APC: variants seen among roughly 807,000 people sequenced by gnomAD.
APC encodes the protein APC regulator of Wnt signaling pathway.
APC carries 72 observed loss-of-function variants against 247.0 expected under a neutral mutation model. That is an observed-to-expected ratio of 0.29 (90% CI 0.24 to 0.35). The LOEUF is 0.35. Among genes scored for constraint, APC ranks in the 10% least tolerant of loss-of-function variants. The pLI, the probability that APC is intolerant of heterozygous loss-of-function variation, is 1.00. For missense variants in APC, 3,400 were observed against 3,360.7 expected, an observed-to-expected ratio of 1.01 and a Z score of -0.29; for synonymous variants, 1,254 against 1,162.5, an observed-to-expected ratio of 1.08 and a Z score of -1.60.
chr5:112,718,389 C>G (rs6864688), intron 1 of APC, among the ~76,000 whole-genome samples: 1 of 151,972 alleles, frequency 6.6e-6, no homozygotes, highest in Non-Finnish European at 1.5e-5. Context: ...CTGGGCCACC[C>G]AGATGAGTTG....
In APC at chr5:112,801,335, A is replaced by G. The variant is rs2149712006; in HGVS notation, c.786A>G (p.Glu262=). The change falls in exon 8 of 16, where the codon GAA becomes GAG. Residue 262 remains glutamate, a synonymous_variant. Coordinates refer to ENST00000257430, the MANE Select transcript of APC (RefSeq NM_000038.6). ...CACATGATGCTGAGCGGCAGAATGAAGGTCAAGGAGTGGGAGAAATCAACA... is the reference window on the plus strand; with the variant it reads ...CACATGATGCTGAGCGGCAGAATGAGGGTCAAGGAGTGGGAGAAATCAACA... ...TGSHDAERQN[E]GQGVGEINMA... is the part of the protein sequence containing the mutation. 6.2e-7 allele frequency: 1 copy of G among 1,612,946 alleles called. No individual in the cohort carries two copies.
intron 1 of APC, among the ~76,000 whole-genome samples, chr5:112,744,036 C>G (rs1285446413): frequency 2.0e-5 from 3 of 152,126 alleles, no homozygotes; most frequent in East Asian, 3.9e-4. Context: ...AGGAGAGAGT[C>G]TCACTATATT....
chr5:112,715,637 C>T (rs1398040702), intron 1 of APC, among the ~76,000 whole-genome samples: 1 of 152,020 alleles, frequency 6.6e-6, no homozygotes, highest in African/African-American at 2.4e-5. Flanking sequence ...GGGAGTTTTC[C>T]TGTGGAAATG....
At position 112,754,970 on chromosome 5, in the gene APC, T is replaced by G; in HGVS notation, c.80T>G (p.Leu27Arg). The G allele has an allele frequency of 6.2e-7, 1 of 1,613,878 alleles. No individual in the cohort carries two copies. Among genetic ancestry groups the G allele is most frequent in the Non-Finnish European group, 8.5e-7 (1 of 1,179,814 alleles). The change falls in exon 2 of 16, where the codon CTA becomes CGA. Residue 27 changes from leucine to arginine, a missense_variant. This residue lies in a region of APC where 372 missense variants were observed against 367.6 expected (regional missense o/e 1.01). Transcript: ENST00000257430. Reference protein sequence around the residue: ...KMENSNLRQELEDNSNHLTKL... With the variant: ...KMENSNLRQEREDNSNHLTKL... ...GAGAACTCAAATCTTCGACAAGAGC[T>G]AGAAGATAATTCCAATCATCTTACA...
At chr5:112,710,154 G>A (rs115290667) in intron 1 of APC, among the ~76,000 whole-genome samples, 1,688 of 152,136 alleles carry the variant, frequency 0.011, 22 homozygotes, top group Non-Finnish European at 0.013. Flanking sequence ...TCCTAAATAA[G>A]CCTCGCTAGC....
intron 1 of APC, among the ~76,000 whole-genome samples, chr5:112,711,340 A>C (rs1288976864): frequency 6.6e-6 from 1 of 151,932 alleles, no homozygotes; most frequent in Non-Finnish European, 1.5e-5. Context: ...CCCCCACCCA[A>C]CTCCTGTCCC....
intron 8 of APC, among the ~76,000 whole-genome samples, chr5:112,808,557 C>T (rs926281038): frequency 6.6e-6 from 1 of 152,110 alleles, no homozygotes; most frequent in Non-Finnish European, 1.5e-5. Context: ...AAGCGATCCT[C>T]TCGAGTAGCT....
upstream of APC, among the ~76,000 whole-genome samples, chr5:112,734,835 G>A (rs1752290228): frequency 6.6e-6 from 1 of 150,502 alleles, no homozygotes; most frequent in African/African-American, 2.4e-5. Context: ...TTGTCACTGA[G>A]GCTGGAGTAC....
At position 112,821,918 on chromosome 5, in the gene APC, G is replaced by T. The variant is rs1334951365; in HGVS notation, c.1335G>T (p.Gln445His). The change falls in exon 11 of 16, where the codon CAG becomes CAT. Residue 445 changes from glutamine to histidine, a missense_variant. This residue lies in a region of APC where 199 missense variants were observed against 212.5 expected (regional missense o/e 0.94). Coordinates refer to ENST00000257430, the MANE Select transcript of APC (RefSeq NM_000038.6). ...KNPMPAPVEH[Q>H]ICPAVCVLMK... Reference sequence around the variant, plus strand: ...CAGTGCCAGCTCCTGTTGAACATCAGATCTGTCCTGCTGTGTGTGTTCTAA... The same window carrying T: ...CAGTGCCAGCTCCTGTTGAACATCATATCTGTCCTGCTGTGTGTGTTCTAA... The T allele has an allele frequency of 6.2e-7, 1 of 1,613,132 alleles. No homozygotes were observed. Among genetic ancestry groups the T allele is most frequent in the African/African-American group, 1.3e-5 (1 of 74,874 alleles).
chr5:112,824,254 A>G (rs1197031945), intron 11 of APC, among the ~76,000 whole-genome samples: 1 of 152,228 alleles, frequency 6.6e-6, no homozygotes, highest in African/African-American at 2.4e-5. Flanking sequence ...TTGCATTACC[A>G]TGAAACATCC....
intron 1 of APC, among the ~76,000 whole-genome samples, chr5:112,738,129 A>G (rs896545694): frequency 3.3e-5 from 5 of 151,906 alleles, no homozygotes; most frequent in African/African-American, 1.2e-4. Context: ...AGGGTTTTTG[A>G]CAGAAGAGGA....
intron 5 of APC, among the ~76,000 whole-genome samples, chr5:112,776,404 G>A (rs796732324): frequency 1.3e-5 from 2 of 152,322 alleles, no homozygotes; most frequent in African/African-American, 4.8e-5. Flanking sequence ...GATTACAGAA[G>A]TTTGTTCACC....
chr5:112,837,979 C>T lies in APC; in HGVS notation c.2385C>T (p.Leu795=), dbSNP rs80188155. 5 of 1,613,990 alleles carry T rather than the reference C, an allele frequency of 3.1e-6. No individual in the cohort carries two copies. In the South Asian group the frequency reaches 3.3e-5, roughly 11 times the overall value. The change falls in exon 16 of 16, where the codon CTC becomes CTT. Residue 795 remains leucine (L), a synonymous_variant. Coordinates refer to ENST00000257430, the MANE Select transcript of APC (RefSeq NM_000038.6). ...HRSKQRHKQS[L]YGDYVFDTNR... is the part of the protein sequence containing the mutation. ...GTAAGCAGAGACACAAGCAAAGTCT[C>T]TATGGTGATTATGTTTTTGACACCA...
intron 11 of APC, among the ~76,000 whole-genome samples, chr5:112,824,207 G>A (rs554257559): frequency 3.5e-4 from 54 of 152,242 alleles, no homozygotes; most frequent in African/African-American, 1.3e-3. Context: ...TTTCTAACAG[G>A]CACCAAGAAA....
At chr5:112,817,712 C>G (rs1762651709) in intron 9 of APC, among the ~76,000 whole-genome samples, 1 of 152,170 alleles carries the variant, frequency 6.6e-6, no homozygotes, top group Non-Finnish European at 1.5e-5. Context: ...TGAATGCTAG[C>G]TACTGTCCTA....
chr5:112,787,834 A>G (rs983567790), intron 6 of APC, among the ~76,000 whole-genome samples: 1 of 152,202 alleles, frequency 6.6e-6, no homozygotes, highest in African/African-American at 2.4e-5. Flanking sequence ...CTGAAGTCGT[A>G]AAGGTAATCT....
At chr5:112,780,660 A>G (rs1215089685) in intron 5 of APC, 130 bp from the exon 6 acceptor site, 1 of 663,440 alleles carries the variant, frequency 1.5e-6, no homozygotes, top group African/African-American at 1.8e-5. Context: ...AGTAAAAAAT[A>G]ATTTTCTCAT....
At chr5:112,751,430 G>A (rs1754352815) in intron 1 of APC, among the ~76,000 whole-genome samples, 1 of 151,958 alleles carries the variant, frequency 6.6e-6, no homozygotes, top group African/African-American at 2.4e-5. Flanking sequence ...TTAGCTTAGG[G>A]AGAAATGGCA....
chr5:112,777,025 A>T (rs1757736301), intron 5 of APC, among the ~76,000 whole-genome samples: 1 of 152,154 alleles, frequency 6.6e-6, no homozygotes, highest in African/African-American at 2.4e-5. Context: ...CATTGCATTT[A>T]TAGATATGAA....
Sources: allele counts gnomAD v4.1 joint callset (sites outside exome capture counted in the v4.1 genomes callset), GRCh38; gene constraint gnomAD v4.1.1; regional missense constraint gnomAD v4.1.1; transcripts MANE v1.5; gene names NCBI Gene and HGNC (gene_info 2026-07-23, HGNC 2026-07-21).